MYO19: variants seen among roughly 807,000 people sequenced by gnomAD.
The protein encoded by MYO19 is myosin XIX, also known as unconventional myosin-XIX.
A neutral mutation model predicts 129.2 loss-of-function variants in MYO19; 132 were observed. That is an observed-to-expected ratio of 1.02 (90% CI 0.89 to 1.18). The LOEUF (loss-of-function observed/expected upper bound fraction) is 1.18, where lower values mean the gene tolerates loss of function less well. Ranked by LOEUF, MYO19 falls within the 50% of genes most tolerant of loss-of-function variation. The pLI, the probability that MYO19 is intolerant of heterozygous loss-of-function variation, is 0.00. For missense variants in MYO19, 1,210 were observed against 1,216.7 expected (o/e 0.99, Z 0.08); for synonymous variants, 531 against 477.2 (o/e 1.11, Z -1.47).
chr17:36,505,171 G>T, intron 19 of MYO19, 126 bp downstream of exon 19: 1 of 873,828 alleles, frequency 1.1e-6, no homozygotes, highest in Non-Finnish European at 2.0e-6. Context: ...CCTCTCTCAT[G>T]TCAGGCCTGG....
intron 14 of MYO19, chr17:36,508,143 G>A (rs1435758664): frequency 2.5e-6 from 1 of 404,300 alleles, no homozygotes; most frequent in Non-Finnish European, 4.4e-6. Context: ...GTAGAGCTCA[G>A]AGCAAGCAGG....
In MYO19 at chr17:36,507,649, T is replaced by C. The variant is rs921575189; in HGVS notation, c.1354-137A>G. ...AACAAAAGTATATCAAAACATTACA[T>C]TGTACTCCATATGTGCAATTATTAT... On this transcript the variant is annotated intron_variant, in intron 15 of 25. Coordinates refer to ENST00000614623, the MANE Select transcript of MYO19 (RefSeq NM_001163735.2). 24 of 1,265,782 alleles carry C rather than the reference T, an allele frequency of 1.9e-5. 1 individual carries two copies. The highest frequency in any genetic ancestry group is 1.8e-4 in the African/African-American group (12 of 66,944). The allele number at this position is 1,265,782 out of a possible 1,614,324, so 78.4% of individuals were successfully genotyped here. A position where few individuals can be genotyped will look rare whatever the true frequency, so the allele number is the denominator to read the frequency against.
upstream of MYO19, chr17:36,537,140 C>T (rs2074151207): frequency 3.7e-6 from 6 of 1,609,906 alleles, no homozygotes; most frequent in Non-Finnish European, 5.1e-6. Flanking sequence ...TTGTCAGTAA[C>T]CTCAATGGAA....
At chr17:36,514,973 C>A (rs753043144) in intron 8 of MYO19, 140 bp downstream of exon 8, 52 of 681,684 alleles carry the variant, frequency 7.6e-5, no homozygotes, top group Non-Finnish European at 1.2e-4. Context: ...ACCCTCAGAG[C>A]TCACACCTGA....
exon 2 of MYO19, chr17:36,542,103 C>CT (rs2074200458): frequency 6.6e-6 from 1 of 152,148 alleles, no homozygotes; most frequent in Non-Finnish European, 1.5e-5. Flanking sequence ...CCTTTTTCGC[C>CT]TTTAAGAATA....
chr17:36,527,763 A>G, intron 4 of MYO19, 64 bp from the exon 5 acceptor site: 1 of 1,516,078 alleles, frequency 6.6e-7, no homozygotes, highest in Non-Finnish European at 8.9e-7. Context: ...ACACAGACAC[A>G]CATCTACTTA....
rs757184883 is a variant in MYO19 at position 36,496,411 on chromosome 17, A to AGG, written c.2758-7_2758-6dup. On this transcript the variant is annotated splice_region_variant and splice_polypyrimidine_tract_variant and intron_variant, in intron 25 of 25. Transcript: ENST00000614623. ...GCAGTGAAACTTTATCGATCCCTAG[A>AGG]GGGGAGAGAGAGATGCAGCTTTAGC... The AGG allele has an allele frequency of 8.1e-6, 13 of 1,613,826 alleles. No individual in the cohort carries two copies. Among genetic ancestry groups the AGG allele is most frequent in the Non-Finnish European group, 1.0e-5 (12 of 1,179,770 alleles).
intron 2 of MYO19, chr17:36,533,112 T>C (rs2073924675): frequency 6.5e-6 from 1 of 153,670 alleles, no homozygotes; most frequent in Non-Finnish European, 1.4e-5. Context: ...AATCACTCAC[T>C]GGGTGTGTGA....
At chr17:36,538,340 T>C (rs1444984264), upstream of MYO19, 2 of 1,614,046 alleles carry the variant, frequency 1.2e-6, no homozygotes, top group Non-Finnish European at 1.7e-6. Flanking sequence ...CTTGGAAACT[T>C]ATCCAGTCAC....
At chr17:36,537,845 A>C (rs1330790592), upstream of MYO19, 1 of 1,614,160 alleles carries the variant, frequency 6.2e-7, no homozygotes. Context: ...TGAAATTGAT[A>C]ACACCACTGC....
At chr17:36,498,177 G>A (rs1431129833) in intron 25 of MYO19, 89 bp downstream of exon 25, 2 of 1,442,624 alleles carry the variant, frequency 1.4e-6, no homozygotes, top group African/African-American at 2.8e-5. Flanking sequence ...TCTTGTCCCA[G>A]CCTCAGTCTC....
chr17:36,534,310 G>A (rs1442728547), intron 1 of MYO19: 2 of 152,266 alleles, frequency 1.3e-5, no homozygotes, highest in Non-Finnish European at 2.9e-5. Context: ...GGGGACTCAA[G>A]GTCCGGGCGT....
intron 8 of MYO19, 36 bp downstream of exon 8, chr17:36,515,077 C>T: frequency 1.9e-6 from 3 of 1,577,184 alleles, no homozygotes; most frequent in Non-Finnish European, 2.6e-6. Context: ...TCCCCAGTCC[C>T]ATCCTCCCAC....
chr17:36,540,877 A>T (rs895503127), intron 2 of MYO19, among the ~76,000 whole-genome samples: 2 of 152,214 alleles, frequency 1.3e-5, no homozygotes, highest in African/African-American at 2.4e-5. Flanking sequence ...CCTTGCAACT[A>T]TCAATTTTTG....
chr17:36,507,243 C>T (rs1599265176), intron 16 of MYO19, 104 bp from the exon 17 acceptor site: 1 of 1,492,044 alleles, frequency 6.7e-7, no homozygotes, highest in East Asian at 2.3e-5. Context: ...ATCACACAGG[C>T]ATCATAGTGT....
intron 3 of MYO19, among the ~76,000 whole-genome samples, chr17:36,530,684 A>C (rs1404688836): frequency 6.6e-6 from 1 of 151,268 alleles, no homozygotes; most frequent in Non-Finnish European, 1.5e-5. Context: ...GCAGTGGCAC[A>C]ATCTCGGCTC....
chr17:36,511,228 C>T, intron 12 of MYO19, 137 bp downstream of exon 12: 1 of 904,368 alleles, frequency 1.1e-6, no homozygotes, highest in Non-Finnish European at 1.7e-6. Flanking sequence ...GTAAATGATC[C>T]AGGGCCAGGC....
rs773153675 is a variant in MYO19 at position 36,525,264 on chromosome 17, C to G, written c.378G>C (p.Gln126His). 1 of 1,613,964 alleles carries G rather than the reference C, an allele frequency of 6.2e-7. No individual in the cohort carries two copies. The highest frequency in any genetic ancestry group is 8.5e-7 in the Non-Finnish European group (1 of 1,179,850). Residue 126 changes from glutamine (Q) to histidine (H), a missense_variant, in exon 6 of 26, where the codon CAG becomes CAC. Transcript: ENST00000614623. ...CACTCTCTCCACTGACAACAATAGACTGGTTGACTGGTTCAATCAGGCTCT... is the reference window on the plus strand; with the variant it reads ...CACTCTCTCCACTGACAACAATAGAGTGGTTGACTGGTTCAATCAGGCTCT... ...NVKSLIEPVN[Q>H]SIVVSGESGA... is the part of the protein sequence containing the mutation.
intron 2 of MYO19, among the ~76,000 whole-genome samples, chr17:36,541,074 A>G (rs2074195391): frequency 6.6e-6 from 1 of 151,942 alleles, no homozygotes; most frequent in Non-Finnish European, 1.5e-5. Flanking sequence ...CTGCCTCCCG[A>G]GTAGCTGGGA....
Sources: allele counts gnomAD v4.1 joint callset (sites outside exome capture counted in the v4.1 genomes callset), GRCh38; gene constraint gnomAD v4.1.1; transcripts MANE v1.5; gene names NCBI Gene and HGNC (gene_info 2026-07-23, HGNC 2026-07-21).